TRIM24: variants seen among roughly 807,000 people sequenced by gnomAD.
The protein encoded by TRIM24 is transcription intermediary factor 1-alpha.
A neutral mutation model predicts 123.9 loss-of-function variants in TRIM24; 29 were observed. The ratio of observed to expected loss-of-function variants is 0.23; its 90% confidence interval spans 0.17 to 0.32. The LOEUF (loss-of-function observed/expected upper bound fraction) is 0.32. TRIM24 is among the 10% of genes least tolerant of loss of function. TRIM24 has a pLI of 1.00. For missense variants in TRIM24, 932 were observed against 1,295.3 expected (o/e 0.72, Z 4.31); for synonymous variants, 456 against 461.1 (o/e 0.99, Z 0.14).
chr7:138,529,609 A>G (rs546663563), intron 6 of TRIM24, among the ~76,000 whole-genome samples: 5 of 152,328 alleles, frequency 3.3e-5, no homozygotes, highest in South Asian at 4.1e-4. Flanking sequence ...TCTCAAATAT[A>G]TATATTTAAC....
chr7:138,496,822 T>C (rs952594757), intron 1 of TRIM24, among the ~76,000 whole-genome samples: 1 of 152,082 alleles, frequency 6.6e-6, no homozygotes, highest in African/African-American at 2.4e-5. Context: ...GATTTTTTTT[T>C]CCAGATATAT....
rs146909152 is a variant in TRIM24 at position 138,526,039 on chromosome 7, C to T, written c.881+682C>T. Among the ~76,000 whole-genome samples, 18 of 152,272 alleles carry T rather than the reference C, an allele frequency of 1.2e-4. No individual in the cohort carries two copies. The East Asian group carries it at 3.5e-3, about 29-fold the overall frequency. On this transcript the variant is annotated intron_variant, in intron 5 of 18. Coordinates refer to ENST00000343526, the MANE Select transcript of TRIM24 (RefSeq NM_015905.3). ...CACATACTGACATTTAATTTACACA[C>T]CTATGAAATCCCATGACCTCTTCTG...
In TRIM24 at chr7:138,479,544, C is replaced by T. The variant is rs998952653; in HGVS notation, c.364+18632C>T. 2.5e-4 allele frequency among the ~76,000 whole-genome samples: 38 copies of T among 152,154 alleles called. 1 individual carries two copies. Among genetic ancestry groups the T allele is most frequent in the African/African-American group, 8.9e-4 (37 of 41,550 alleles). On this transcript the variant is annotated intron_variant, in intron 1 of 18. Transcript: ENST00000343526. ...CATGCCTGAATGAGACGGAGTTTTG[C>T]TCTTGTTGCCCAGGCTGGAGTGCAG...
intron 1 of TRIM24, among the ~76,000 whole-genome samples, chr7:138,481,457 T>A (rs1795523780): frequency 6.6e-6 from 1 of 152,162 alleles, no homozygotes; most frequent in Admixed American, 6.5e-5. Context: ...TTTTATAGGG[T>A]CTTTTATTTT....
intron 1 of TRIM24, 84 bp downstream of exon 1, chr7:138,460,996 A>T (rs550817288): frequency 1.6e-6 from 2 of 1,241,412 alleles, no homozygotes; most frequent in Non-Finnish European, 2.1e-6. Context: ...ACCCGCTGTC[A>T]TGTCGCCGCC....
intron 8 of TRIM24, 39 bp downstream of exon 8, chr7:138,551,219 T>C: frequency 6.6e-7 from 1 of 1,519,280 alleles, no homozygotes; most frequent in Non-Finnish European, 9.1e-7. Flanking sequence ...CAGTGGCATT[T>C]GTCTGTAAAA....
intron 1 of TRIM24, among the ~76,000 whole-genome samples, chr7:138,501,933 C>G (rs1425786379): frequency 1.3e-5 from 2 of 151,466 alleles, no homozygotes; most frequent in Admixed American, 1.3e-4. Flanking sequence ...CGTCATGCAG[C>G]TCATGATTGT....
intron 7 of TRIM24, chr7:138,545,570 T>C: frequency 2.2e-6 from 1 of 455,646 alleles, no homozygotes; most frequent in South Asian, 1.6e-5. Flanking sequence ...ATTTTTATTC[T>C]TGGACTCAGA....
chr7:138,580,888 G>A (rs1297661488), intron 16 of TRIM24, among the ~76,000 whole-genome samples, 194 bp downstream of exon 16: 1 of 151,896 alleles, frequency 6.6e-6, no homozygotes, highest in Non-Finnish European at 1.5e-5. Context: ...CAGAATTAAT[G>A]CATGTATTTT....
intron 1 of TRIM24, among the ~76,000 whole-genome samples, chr7:138,479,342 A>T (rs528504006): frequency 8.1e-4 from 123 of 152,218 alleles, no homozygotes; most frequent in African/African-American, 2.9e-3. Context: ...CCTTTCCCTT[A>T]GAAGTTAACC....
chr7:138,578,539 T>C (rs1247781004), intron 14 of TRIM24, among the ~76,000 whole-genome samples: 2 of 131,186 alleles, frequency 1.5e-5, no homozygotes, highest in African/African-American at 5.5e-5. Context: ...GTTTTGTGTG[T>C]GTGTGTGTGT....
chr7:138,555,971 T>G (rs1317044408), intron 9 of TRIM24, among the ~76,000 whole-genome samples: 1 of 152,192 alleles, frequency 6.6e-6, no homozygotes, highest in Non-Finnish European at 1.5e-5. Context: ...TTTTTTTGGT[T>G]GTCAATATGT....
Position 138,538,702 on chromosome 7 carries a change from G to A in TRIM24, c.1042G>A (p.Glu348Lys), listed in dbSNP as rs766393034. The A allele has an allele frequency of 1.2e-6, 2 of 1,614,110 alleles. No homozygotes were observed. The highest frequency in any genetic ancestry group is 1.7e-5 in the Admixed American group (1 of 60,010). ...CATGAAACTTATGCAACAACAACAG[G>A]AAGTGGCTGGACTCTCTAAACAATT... ...HRMKLMQQQQ[E>K]VAGLSKQLEH... Residue 348 changes from glutamate (E) to lysine (K), a missense_variant, in exon 7 of 19, where the codon GAA (glutamate) becomes AAA (lysine). Around this residue, in one of 7 missense-constraint regions of TRIM24, gnomAD observed 527 missense variants for 691.3 expected, o/e 0.76. Transcript: ENST00000343526.
chr7:138,508,708 C>CGTGTGTGCGT (rs1796214549), intron 2 of TRIM24, among the ~76,000 whole-genome samples: 3 of 136,194 alleles, frequency 2.2e-5, no homozygotes, highest in African/African-American at 5.4e-5. Flanking sequence ...CGCGTGTGTG[C>CGTGTGTGCGT]GTGTGTGTGT....
At chr7:138,576,679 G>A (rs1797767387) in intron 13 of TRIM24, among the ~76,000 whole-genome samples, 1 of 151,886 alleles carries the variant, frequency 6.6e-6, no homozygotes, top group Admixed American at 6.6e-5. Flanking sequence ...AAGAAATGTT[G>A]GATATTCATA....
intron 7 of TRIM24, among the ~76,000 whole-genome samples, chr7:138,539,841 C>T (rs1348897293): frequency 1.4e-5 from 2 of 147,860 alleles, no homozygotes; most frequent in Non-Finnish European, 3.0e-5. Flanking sequence ...CACTCTGTCG[C>T]CCAGGCTGGA....
chr7:138,526,132 C>T (rs902421601), intron 5 of TRIM24, among the ~76,000 whole-genome samples: 22 of 152,102 alleles, frequency 1.4e-4, no homozygotes, highest in South Asian at 2.1e-4. Flanking sequence ...AATGAGCCAG[C>T]GTAAAAGAGA....
chr7:138,554,745 C>A lies in TRIM24; in HGVS notation c.1309C>A (p.Gln437Lys). The change falls in exon 9 of 19, where the codon CAG becomes AAG. Residue 437 changes from glutamine to lysine, a missense_variant. By Grantham distance (53) the Gln-to-Lys change is moderately conservative. Transcript: ENST00000343526. This position sits in a 1 kb window ranked among gnomAD's most constrained non-coding sequence, Gnocchi z 4.5. ...DKESQPQMPK[Q>K]NPVVEQNSQP... is the part of the protein sequence containing the mutation. ...AGAGAGCCAGCCACAAATGCCTAAG[C>A]AGAATCCTGTCGTGGAACAGAATTC... 1 of 1,614,176 alleles carries A rather than the reference C, an allele frequency of 6.2e-7. No homozygotes were observed. Among genetic ancestry groups the A allele is most frequent in the Non-Finnish European group, 8.5e-7 (1 of 1,179,998 alleles).
intron 9 of TRIM24, among the ~76,000 whole-genome samples, chr7:138,556,849 G>A (rs1211486193): frequency 1.3e-5 from 2 of 152,170 alleles, no homozygotes; most frequent in Non-Finnish European, 2.9e-5. Context: ...CACATCCAAA[G>A]GCTAGGTCCC....
Sources: allele counts gnomAD v4.1 joint callset (sites outside exome capture counted in the v4.1 genomes callset), GRCh38; gene constraint gnomAD v4.1.1; regional missense constraint gnomAD v4.1.1; non-coding constraint Gnocchi (gnomAD v3.1); transcripts MANE v1.5; gene names NCBI Gene and HGNC (gene_info 2026-07-23, HGNC 2026-07-21).